The following COL5A2 variants were observed in gnomAD, a reference collection of about 807,000 sequenced individuals.
COL5A2 encodes the protein collagen alpha-2(V) chain.
A neutral mutation model predicts 208.2 loss-of-function variants in COL5A2; 23 were observed. That is an observed-to-expected ratio of 0.11 (90% CI 0.08 to 0.16). The LOEUF is 0.16. Ranked by LOEUF, COL5A2 falls within the 10% of genes least tolerant of loss-of-function variation. The pLI is 1.00. For missense variants in COL5A2, 1,590 were observed against 1,956.4 expected (o/e 0.81, Z 3.53); for synonymous variants, 625 against 628.5 (o/e 0.99, Z 0.08).
the COL5A2 span, among the ~76,000 whole-genome samples, chr2:189,302,387 C>CA: frequency 2.6e-5 from 4 of 152,132 alleles, no homozygotes; most frequent in African/African-American, 7.2e-5. Flanking sequence ...CCGTACTCTA[C>CA]AGACCCCTCT....
At chr2:189,146,539 T>C (rs1199920727) in intron 1 of COL5A2, among the ~76,000 whole-genome samples, 1 of 151,992 alleles carries the variant, frequency 6.6e-6, no homozygotes, top group Non-Finnish European at 1.5e-5. Flanking sequence ...CCCACTTCTG[T>C]CTACACAGTA....
At chr2:189,141,503 T>C (rs1348806779) in intron 1 of COL5A2, among the ~76,000 whole-genome samples, 4 of 152,168 alleles carry the variant, frequency 2.6e-5, no homozygotes, top group African/African-American at 9.7e-5. Flanking sequence ...ATGCTGAGTA[T>C]ATATTAATAT....
At chr2:189,086,105 CTAGTCACTGA>C (rs1686654958) in intron 9 of COL5A2, among the ~76,000 whole-genome samples, 1 of 152,168 alleles carries the variant, frequency 6.6e-6, no homozygotes, top group South Asian at 2.1e-4. Flanking sequence ...ACCACATTTT[CTAGTCACTGA>C]TAGCTTGAAG....
chr2:189,326,096 C>CAA, the COL5A2 span, among the ~76,000 whole-genome samples: 28 of 96,654 alleles, frequency 2.9e-4, no homozygotes, highest in African/African-American at 3.8e-4. Context: ...GACCCTGTCT[C>CAA]AAAAAAAAAA....
the COL5A2 span, among the ~76,000 whole-genome samples, chr2:189,309,758 T>C: frequency 2.0e-5 from 3 of 152,208 alleles, no homozygotes; most frequent in Non-Finnish European, 4.4e-5. Flanking sequence ...TTTGCCACTG[T>C]TAAACACTGT....
the COL5A2 span, among the ~76,000 whole-genome samples, chr2:189,398,115 T>G: frequency 6.6e-6 from 1 of 152,168 alleles, no homozygotes; most frequent in Non-Finnish European, 1.5e-5. Context: ...ATTTTTTTCA[T>G]TAATTTCTAG....
At chr2:189,401,000 A>G in the COL5A2 span, among the ~76,000 whole-genome samples, 1 of 152,018 alleles carries the variant, frequency 6.6e-6, no homozygotes, top group Admixed American at 6.6e-5. Flanking sequence ...TAACTTGTAA[A>G]TTCTGGTCTG....
chr2:189,041,090 TCTAA>T (rs1354025603), intron 50 of COL5A2, among the ~76,000 whole-genome samples: 1 of 152,264 alleles, frequency 6.6e-6, no homozygotes, highest in East Asian at 1.9e-4. Context: ...GAAGCAAGGA[TCTAA>T]CTAACATAGT....
chr2:189,034,075 C>T lies in COL5A2; in HGVS notation c.4495G>A (p.Val1499Met). Reference protein sequence around the residue: ...FGVEIGPVCFV With the variant: ...FGVEIGPVCFM ...TCGATGTGTCTTGGCTTACTTTACACAAAACAAACTGGCCCAATTTCAACG... is the reference window on the plus strand; with the variant it reads ...TCGATGTGTCTTGGCTTACTTTACATAAAACAAACTGGCCCAATTTCAACG... The change falls in exon 54 of 54, where the codon GTG becomes ATG. Residue 1499 changes from valine (V) to methionine (M), a missense_variant. Physicochemically the swap from Val to Met is conservative, Grantham distance 21 (BLOSUM62 1). Coordinates refer to ENST00000374866, the MANE Select transcript of COL5A2 (RefSeq NM_000393.5). 1 of 1,613,930 alleles carries T rather than the reference C, an allele frequency of 6.2e-7. No homozygotes were observed. Among genetic ancestry groups the T allele is most frequent in the Non-Finnish European group, 8.5e-7 (1 of 1,179,882 alleles).
intron 1 of COL5A2, among the ~76,000 whole-genome samples, chr2:189,112,162 A>G (rs1687296557): frequency 6.6e-6 from 1 of 152,102 alleles, no homozygotes. Context: ...CGGCCTCCTC[A>G]TTGTATAGCT....
At chr2:189,209,282 T>G (rs1479761838) in intron 1 of COL5A2, among the ~76,000 whole-genome samples, 1 of 152,110 alleles carries the variant, frequency 6.6e-6, no homozygotes, top group Non-Finnish European at 1.5e-5. Context: ...GATTAGAAAA[T>G]GGAATGGGAA....
At chr2:189,248,574 A>C in the COL5A2 span, among the ~76,000 whole-genome samples, 1 of 152,174 alleles carries the variant, frequency 6.6e-6, no homozygotes, top group African/African-American at 2.4e-5. Flanking sequence ...GAGTCCATAA[A>C]ACTCTGTGCA....
intron 47 of COL5A2, among the ~76,000 whole-genome samples, chr2:189,043,570 G>A (rs1685603828): frequency 6.6e-6 from 1 of 151,932 alleles, no homozygotes; most frequent in Non-Finnish European, 1.5e-5. Context: ...TATCTGAAAT[G>A]TTTTTTAAAG....
chr2:189,328,239 T>C, the COL5A2 span, among the ~76,000 whole-genome samples: 1 of 152,180 alleles, frequency 6.6e-6, no homozygotes, highest in Non-Finnish European at 1.5e-5. Flanking sequence ...ATTTAACTAA[T>C]AATACTTCCA....
chr2:189,164,713 T>C (rs1688434074), intron 1 of COL5A2, among the ~76,000 whole-genome samples: 1 of 152,192 alleles, frequency 6.6e-6, no homozygotes, highest in African/African-American at 2.4e-5. Context: ...TGACTAAGAA[T>C]TTCTACAGAA....
chr2:189,118,144 G>C (rs139278823), intron 1 of COL5A2, among the ~76,000 whole-genome samples: 1 of 151,882 alleles, frequency 6.6e-6, no homozygotes, highest in African/African-American at 2.4e-5. Flanking sequence ...CATTTTAGCT[G>C]CTTATTTAAA....
the COL5A2 span, among the ~76,000 whole-genome samples, chr2:189,309,837 C>T: frequency 6.6e-6 from 1 of 152,298 alleles, no homozygotes; most frequent in South Asian, 2.1e-4. Context: ...AGTTCATAAG[C>T]ACAGAGAAAG....
At chr2:189,185,502 A>C (rs1688840382) in intron 1 of COL5A2, among the ~76,000 whole-genome samples, 1 of 152,248 alleles carries the variant, frequency 6.6e-6, no homozygotes, top group South Asian at 2.1e-4. Flanking sequence ...TATTTTGAAA[A>C]TAACATTTCT....
At chr2:189,146,269 A>T (rs114388461) in intron 1 of COL5A2, among the ~76,000 whole-genome samples, 1 of 152,266 alleles carries the variant, frequency 6.6e-6, no homozygotes, top group African/African-American at 2.4e-5. Flanking sequence ...TAAACTAAAA[A>T]ATATGAACCT....
Sources: gnomAD v4.1 joint callset for allele counts (sites outside exome capture counted in the v4.1 genomes callset) on GRCh38, gnomAD v4.1.1 for gene constraint, MANE v1.5 for transcripts, NCBI Gene and HGNC (gene_info 2026-07-23, HGNC 2026-07-21) for gene names.